BACH2: variants seen among roughly 807,000 people sequenced by gnomAD.
BACH2 encodes the protein BACH transcriptional regulator 2.
In BACH2, 5 loss-of-function variants were observed where a neutral mutation model predicts 61.8. That is an observed-to-expected ratio of 0.08 (90% confidence interval 0.04 to 0.17). The LOEUF is 0.17. BACH2 is among the 10% of genes least tolerant of loss of function. The probability of loss-of-function intolerance (pLI) is 1.00; values close to 1 mark genes in which losing one functional copy is unlikely to be tolerated. For missense variants in BACH2, 824 were observed against 1,091.1 expected, an observed-to-expected ratio of 0.76 and a Z score of 3.45; for synonymous variants, 446 against 440.1, an observed-to-expected ratio of 1.01 and a Z score of -0.17.
chr6:89,994,190 C>T (rs1226454493), intron 6 of BACH2, among the ~76,000 whole-genome samples: 1 of 152,164 alleles, frequency 6.6e-6, no homozygotes, highest in Non-Finnish European at 1.5e-5. Flanking sequence ...GGAGAGACAC[C>T]TTTCCTCACA....
rs1464844626 is a variant in BACH2 at position 89,951,047 on chromosome 6, C to T, written c.1059G>A (p.Leu353=). 6.2e-7 allele frequency: 1 copy of T among 1,610,296 alleles called. No individual in the cohort carries two copies. Among genetic ancestry groups the T allele is most frequent in the Non-Finnish European group, 8.5e-7 (1 of 1,178,212 alleles). Residue 353 remains leucine, a synonymous_variant, in exon 7 of 9, where the codon CTG becomes CTA. Coordinates refer to ENST00000257749, the MANE Select transcript of BACH2 (RefSeq NM_021813.4). This position sits in a 1 kb window ranked among gnomAD's most constrained non-coding sequence, Gnocchi z 6.4. Reference sequence around the variant, plus strand: ...GCTGAGATGTACTGGGCAGGCCAGACAGCTCCACACTTTTCGTTATGCTGA... The same window carrying T: ...GCTGAGATGTACTGGGCAGGCCAGATAGCTCCACACTTTTCGTTATGCTGA... ...SLFSITKSVE[L]SGLPSTSQQH...
At chr6:90,141,250 G>A (rs1266873696) in intron 4 of BACH2, among the ~76,000 whole-genome samples, 5 of 152,020 alleles carry the variant, frequency 3.3e-5, no homozygotes, top group Admixed American at 2.6e-4. Context: ...GCGTGATCTC[G>A]GCTCACTGCA....
chr6:90,160,097 T>C (rs1287526411), intron 4 of BACH2, among the ~76,000 whole-genome samples: 2 of 152,148 alleles, frequency 1.3e-5, no homozygotes, highest in South Asian at 2.1e-4. Flanking sequence ...GTGGATAAAA[T>C]TGAAGTTTTC....
At chr6:90,064,568 G>A (rs1014544814) in intron 5 of BACH2, among the ~76,000 whole-genome samples, 10 of 152,204 alleles carry the variant, frequency 6.6e-5, no homozygotes, top group Admixed American at 4.6e-4. Context: ...GCCTGTACAG[G>A]GGGACCAGTT....
At chr6:90,187,591 T>C (rs1768405832) in intron 4 of BACH2, among the ~76,000 whole-genome samples, 1 of 152,196 alleles carries the variant, frequency 6.6e-6, no homozygotes, top group Non-Finnish European at 1.5e-5. Flanking sequence ...GAAGAAATCA[T>C]CTGGATCTGT....
intron 5 of BACH2, among the ~76,000 whole-genome samples, chr6:90,066,491 G>A (rs1000465033): frequency 3.3e-5 from 5 of 152,144 alleles, no homozygotes; most frequent in Non-Finnish European, 7.4e-5. Flanking sequence ...GTGGATTCCA[G>A]GCAAGGAGAA....
intron 3 of BACH2, among the ~76,000 whole-genome samples, chr6:90,241,802 G>GAA (rs58160298): frequency 4.7e-5 from 7 of 150,258 alleles, no homozygotes; most frequent in Non-Finnish European, 8.9e-5. Context: ...TAAGATAAAT[G>GAA]AAAAAAAAAT....
chr6:89,986,916 G>A (rs1228303389), intron 6 of BACH2, among the ~76,000 whole-genome samples: 3 of 152,094 alleles, frequency 2.0e-5, no homozygotes, highest in Non-Finnish European at 2.9e-5. Flanking sequence ...TGAATGATAC[G>A]AAAAAATGAG....
chr6:90,154,702 A>G (rs1312853890), intron 4 of BACH2, among the ~76,000 whole-genome samples: 1 of 152,184 alleles, frequency 6.6e-6, no homozygotes, highest in Admixed American at 6.5e-5. Context: ...GAAGGGAGGA[A>G]GTATATCTGC....
intron 3 of BACH2, among the ~76,000 whole-genome samples, chr6:90,229,351 T>C (rs964280796): frequency 6.6e-6 from 1 of 152,080 alleles, no homozygotes; most frequent in African/African-American, 2.4e-5. Flanking sequence ...TCCCAGCTAC[T>C]CTGGAGGCTG....
chr6:90,142,707 A>G (rs996792907), intron 4 of BACH2, among the ~76,000 whole-genome samples: 3 of 152,220 alleles, frequency 2.0e-5, no homozygotes, highest in Non-Finnish European at 4.4e-5. Flanking sequence ...AAGATTATAG[A>G]CATAAAATCT....
chr6:90,057,864 A>G (rs894929608), intron 5 of BACH2, among the ~76,000 whole-genome samples: 1 of 152,210 alleles, frequency 6.6e-6, no homozygotes, highest in Non-Finnish European at 1.5e-5. Flanking sequence ...ACAGAACCAA[A>G]GACAAAAATC....
chr6:90,197,885 C>T (rs573054610), intron 4 of BACH2, among the ~76,000 whole-genome samples: 2 of 152,274 alleles, frequency 1.3e-5, no homozygotes, highest in Admixed American at 6.5e-5. Context: ...ATTCCAAAAC[C>T]AACAATCACA....
At chr6:90,288,955 T>C (rs1205580368) in intron 1 of BACH2, among the ~76,000 whole-genome samples, 1 of 152,190 alleles carries the variant, frequency 6.6e-6, no homozygotes, top group Non-Finnish European at 1.5e-5. Flanking sequence ...AGAGCCATGG[T>C]ATTTCAGTTA....
In BACH2 at chr6:90,053,221, T is replaced by G. The variant is rs561260000; in HGVS notation, c.-13+35740A>C. ...CTACATGTTTACCAATTTCTTTGCTTACAATTTCTATTTTTCAGACCTTTT... is the reference window on the plus strand; with the variant it reads ...CTACATGTTTACCAATTTCTTTGCTGACAATTTCTATTTTTCAGACCTTTT... On this transcript the variant is annotated intron_variant, in intron 5 of 8. Transcript: ENST00000257749. 3.9e-5 allele frequency among the ~76,000 whole-genome samples: 6 copies of G among 152,334 alleles called. No individual in the cohort carries two copies. The East Asian group carries it at 9.6e-4, about 24-fold the overall frequency.
intron 3 of BACH2, among the ~76,000 whole-genome samples, chr6:90,214,401 A>G (rs955704895): frequency 6.6e-6 from 1 of 152,130 alleles, no homozygotes; most frequent in African/African-American, 2.4e-5. Flanking sequence ...CATATTTCCT[A>G]TGATTTGGTG....
intron 5 of BACH2, among the ~76,000 whole-genome samples, chr6:90,030,611 G>T (rs1778919748): frequency 6.6e-6 from 1 of 152,032 alleles, no homozygotes; most frequent in East Asian, 1.9e-4. Flanking sequence ...TAGAAGAAAT[G>T]GATAAATTCC....
chr6:90,043,494 C>CCCTCCCTCCCTT (rs146243702), intron 5 of BACH2, among the ~76,000 whole-genome samples: 6 of 151,582 alleles, frequency 4.0e-5, no homozygotes, highest in Non-Finnish European at 8.8e-5. Context: ...CTTCCTCTCT[C>CCCTCCCTCCCTT]CCTCCCTCCC....
intron 5 of BACH2, among the ~76,000 whole-genome samples, chr6:90,029,567 T>C (rs1051857796): frequency 6.6e-6 from 1 of 152,224 alleles, no homozygotes; most frequent in Non-Finnish European, 1.5e-5. Flanking sequence ...ATTTTGTTAA[T>C]GACCTATTTT....
Sources: gnomAD v4.1 joint callset for allele counts (sites outside exome capture counted in the v4.1 genomes callset) on GRCh38, gnomAD v4.1.1 for gene constraint, Gnocchi (gnomAD v3.1) non-coding constraint, MANE v1.5 for transcripts, NCBI Gene and HGNC (gene_info 2026-07-23, HGNC 2026-07-21) for gene names.